Variants in ARNT2 observed in about 807,000 individuals in gnomAD.
ARNT2 encodes aryl hydrocarbon receptor nuclear translocator 2.
Under a neutral mutation model 91.7 loss-of-function variants are expected in ARNT2, and 36 were observed. The ratio of observed to expected loss-of-function variants is 0.39; its 90% CI spans 0.30 to 0.52. ARNT2 has a LOEUF of 0.52. ARNT2 is among the 20% of genes least tolerant of loss of function. The pLI is 0.72. For missense variants in ARNT2, 775 were observed against 939.3 expected, an observed-to-expected ratio of 0.83 and a Z score of 2.29; for synonymous variants, 365 against 347.1, an observed-to-expected ratio of 1.05 and a Z score of -0.57.
At chr15:80,461,303 G>A (rs182168607) in intron 3 of ARNT2, among the ~76,000 whole-genome samples, 4 of 152,338 alleles carry the variant, frequency 2.6e-5, no homozygotes, top group South Asian at 4.1e-4. Flanking sequence ...TAGGGCAGGT[G>A]CCATGGAAGG....
rs779288916 is a variant in ARNT2, at chr15:80,591,696, G to A, written c.2047G>A (p.Val683Met). The part of the protein sequence containing the change: ...HSHQQPGQTE[V>M]FQDMLPMPGD... ...CCACCAGCAGCCCGGTCAGACTGAA[G>A]TGTTCCAGGTAAATCGAGCGAGCAC... Residue 683 changes from valine to methionine, a missense_variant, in exon 18 of 19, where the codon GTG (valine) becomes ATG (methionine). Around this residue, in one of 5 missense-constraint regions of ARNT2, gnomAD observed 325 missense variants for 359.9 expected, o/e 0.90. Coordinates refer to ENST00000303329, the MANE Select transcript of ARNT2 (RefSeq NM_014862.4). This position sits in a 1 kb window ranked among gnomAD's most constrained non-coding sequence, Gnocchi z 5.1. 4 of 1,614,030 alleles carry A rather than the reference G, an allele frequency of 2.5e-6. No individual in the cohort carries two copies. The highest frequency in any genetic ancestry group is 3.4e-6 in the Non-Finnish European group (4 of 1,179,896).
At chr15:80,522,820 G>GTGTGTATA (rs548555538) in intron 8 of ARNT2, among the ~76,000 whole-genome samples, 221 of 135,752 alleles carry the variant, frequency 1.6e-3, no homozygotes, top group African/African-American at 2.2e-3. Flanking sequence ...GTGTGTGTGT[G>GTGTGTATA]TATATATATA....
intron 6 of ARNT2, among the ~76,000 whole-genome samples, chr15:80,513,697 G>A (rs1377732891): frequency 7.8e-6 from 1 of 128,308 alleles, no homozygotes; most frequent in Non-Finnish European, 1.6e-5. Context: ...TGTAATGTGG[G>A]TCACACTCTC....
chr15:80,537,215 G>T (rs962741128), intron 8 of ARNT2, among the ~76,000 whole-genome samples: 1 of 152,098 alleles, frequency 6.6e-6, no homozygotes, highest in African/African-American at 2.4e-5. Context: ...TTCCTGCGTT[G>T]TATTATGGCC....
intron 3 of ARNT2, 80 bp from the exon 4 acceptor site, chr15:80,470,138 G>A (rs1595976702): frequency 1.4e-6 from 2 of 1,399,740 alleles, no homozygotes; most frequent in Non-Finnish European, 9.8e-7. Context: ...GGTGTTAATG[G>A]TTTTATCCCA....
At chr15:80,520,649 G>A (rs576851907) in intron 8 of ARNT2, among the ~76,000 whole-genome samples, 1 of 152,204 alleles carries the variant, frequency 6.6e-6, no homozygotes, top group African/African-American at 2.4e-5. Context: ...TACCTTGATT[G>A]TGGAGATGAT....
intron 12 of ARNT2, among the ~76,000 whole-genome samples, chr15:80,568,203 T>C (rs1338446083): frequency 6.6e-6 from 1 of 152,210 alleles, no homozygotes; most frequent in Non-Finnish European, 1.5e-5. Context: ...AGCACAACTT[T>C]GAAACGTGCC....
chr15:80,563,333 G>T, intron 12 of ARNT2, 94 bp downstream of exon 12: 11 of 1,484,802 alleles, frequency 7.4e-6, no homozygotes, highest in Non-Finnish European at 1.0e-5. Context: ...CTCCCTGCCG[G>T]CTCTCCCTGC....
chr15:80,538,398 C>A (rs111612078), intron 8 of ARNT2, among the ~76,000 whole-genome samples: 2,398 of 152,162 alleles, frequency 0.016, 22 homozygotes, highest in East Asian at 0.064. Flanking sequence ...TTGGAAAGCC[C>A]ATTTTTTTAA....
intron 17 of ARNT2, among the ~76,000 whole-genome samples, chr15:80,585,430 C>T (rs573069119): frequency 2.9e-4 from 44 of 152,244 alleles, no homozygotes; most frequent in African/African-American, 9.1e-4. Context: ...TTAAGAAGGA[C>T]CCTGAGGAAT....
intron 1 of ARNT2, among the ~76,000 whole-genome samples, chr15:80,432,413 T>A (rs577919324): frequency 2.0e-5 from 3 of 152,156 alleles, no homozygotes; most frequent in African/African-American, 7.2e-5. Context: ...ATTTTTAAAT[T>A]GATGGAAAAA....
chr15:80,493,402 C>G (rs996851582), intron 5 of ARNT2, among the ~76,000 whole-genome samples: 23 of 152,176 alleles, frequency 1.5e-4, no homozygotes, highest in Admixed American at 1.3e-3. Flanking sequence ...TTGTGTACAG[C>G]TATCTGGGAG....
At chr15:80,542,524 T>C (rs1897925301) in intron 8 of ARNT2, among the ~76,000 whole-genome samples, 1 of 152,214 alleles carries the variant, frequency 6.6e-6, no homozygotes, top group African/African-American at 2.4e-5. Flanking sequence ...GCTGCTAGTC[T>C]AGAAGTCACA....
intron 9 of ARNT2, 70 bp from the exon 10 acceptor site, chr15:80,552,570 C>A: frequency 1.3e-6 from 2 of 1,547,598 alleles, no homozygotes; most frequent in South Asian, 1.2e-5. Context: ...GATTATTCTT[C>A]TCATCTCTGT....
intron 17 of ARNT2, among the ~76,000 whole-genome samples, chr15:80,582,616 C>T (rs140000207): frequency 1.3e-5 from 2 of 152,292 alleles, no homozygotes; most frequent in Non-Finnish European, 2.9e-5. Flanking sequence ...CCACTCAGCC[C>T]GAGGTCTTGG....
chr15:80,594,871 G>A lies in ARNT2; in HGVS notation c.*1173G>A, dbSNP rs761796531. 1.3e-5 allele frequency: 2 copies of A among 152,208 alleles called. No homozygotes were observed. Among genetic ancestry groups the A allele is most frequent in the Admixed American group, 6.5e-5 (1 of 15,280 alleles). The allele number at this position is 152,208 out of a possible 1,614,324, so 9.4% of individuals were successfully genotyped here. On this transcript the variant is annotated 3_prime_UTR_variant, in exon 19 of 19. Coordinates refer to ENST00000303329, the MANE Select transcript of ARNT2 (RefSeq NM_014862.4). ...CCTTCGTTCTTCAGCCCGACTGGAG[G>A]AACAGCAGCTCTGGGAGGCACAGAG...
intron 5 of ARNT2, among the ~76,000 whole-genome samples, chr15:80,494,856 T>C (rs558277287): frequency 1.3e-5 from 2 of 152,316 alleles, no homozygotes; most frequent in African/African-American, 4.8e-5. Context: ...CATGAGATGA[T>C]GATCTCTTGG....
In ARNT2 at chr15:80,516,686, A is replaced by G. The variant is rs960081540; in HGVS notation, c.877+2281A>G. ...CATGATTATTGATATAGTTTGATTG[A>G]TAGCTACCATGTTTTCTATTCATTG... is the stretch of plus-strand genomic sequence containing the variant. On this transcript the variant is annotated intron_variant, in intron 8 of 18. Coordinates refer to ENST00000303329, the MANE Select transcript of ARNT2 (RefSeq NM_014862.4). Among the ~76,000 whole-genome samples the G allele has an allele frequency of 5.3e-5, 8 of 151,662 alleles. No homozygotes were observed. In the East Asian group the frequency reaches 1.5e-3, roughly 29 times the overall value.
chr15:80,519,534 A>C (rs1056378768), intron 8 of ARNT2, among the ~76,000 whole-genome samples: 2 of 152,140 alleles, frequency 1.3e-5, no homozygotes, highest in African/African-American at 4.8e-5. Flanking sequence ...GAGCAGAAGG[A>C]TGTCTTTGAG....
Sources: allele counts gnomAD v4.1 joint callset (sites outside exome capture counted in the v4.1 genomes callset), GRCh38; gene constraint gnomAD v4.1.1; regional missense constraint gnomAD v4.1.1; non-coding constraint Gnocchi (gnomAD v3.1); transcripts MANE v1.5; gene names NCBI Gene and HGNC (gene_info 2026-07-23, HGNC 2026-07-21).